REDIC1: variants seen among roughly 807,000 people sequenced by gnomAD.
REDIC1 encodes HEI10 Interacting Protein 1.
At chr12:39,717,938 A>C in the REDIC1 span, among the ~76,000 whole-genome samples, 1 of 149,906 alleles carries the variant, frequency 6.7e-6, no homozygotes. Context: ...TAATTTTTCT[A>C]ACCTCCATAT....
chr12:39,643,818 T>A, the REDIC1 span: 2 of 1,554,842 alleles, frequency 1.3e-6, no homozygotes, highest in Non-Finnish European at 1.8e-6. Context: ...AAAAATGAAA[T>A]CACTGGGAGT....
the REDIC1 span, among the ~76,000 whole-genome samples, chr12:39,881,735 A>G: frequency 6.6e-6 from 1 of 152,088 alleles, no homozygotes; most frequent in Non-Finnish European, 1.5e-5. Flanking sequence ...TTTCTCTCAT[A>G]TTTTAGATAC....
the REDIC1 span, among the ~76,000 whole-genome samples, chr12:39,664,794 T>C: frequency 4.6e-5 from 7 of 152,222 alleles, no homozygotes; most frequent in Admixed American, 4.6e-4. Context: ...GGTATCTCAT[T>C]GTGGTTTTGA....
At chr12:39,906,063 C>T in the REDIC1 span, among the ~76,000 whole-genome samples, 8 of 152,210 alleles carry the variant, frequency 5.3e-5, no homozygotes, top group South Asian at 6.2e-4. Flanking sequence ...AACTTTATCA[C>T]GATAGACAAA....
At chr12:39,707,749 T>A in the REDIC1 span, among the ~76,000 whole-genome samples, 607 of 152,054 alleles carry the variant, frequency 4.0e-3, 4 homozygotes, top group African/African-American at 0.014. Flanking sequence ...TTGCATTTTT[T>A]AAAAAGTTTT....
chr12:39,750,149 G>T, the REDIC1 span, among the ~76,000 whole-genome samples: 1 of 152,206 alleles, frequency 6.6e-6, no homozygotes, highest in Non-Finnish European at 1.5e-5. Flanking sequence ...CAGATGACAT[G>T]ATTGTGTATT....
the REDIC1 span, among the ~76,000 whole-genome samples, chr12:39,633,618 C>A: frequency 1.3e-5 from 2 of 151,892 alleles, no homozygotes; most frequent in Middle Eastern, 6.8e-3. Context: ...ACTTTTATAC[C>A]ACTTACAGTG....
At chr12:39,741,801 G>T in the REDIC1 span, among the ~76,000 whole-genome samples, 1 of 152,154 alleles carries the variant, frequency 6.6e-6, no homozygotes. Flanking sequence ...AAGGAGTAAG[G>T]CTCTGTCTAA....
At chr12:39,728,741 C>A in the REDIC1 span, among the ~76,000 whole-genome samples, 1 of 145,926 alleles carries the variant, frequency 6.9e-6, no homozygotes, top group Non-Finnish European at 1.5e-5. Context: ...CTCTGTGTAC[C>A]TCTGGTAGAA....
the REDIC1 span, among the ~76,000 whole-genome samples, chr12:39,794,527 C>G: frequency 1.3e-5 from 2 of 152,188 alleles, no homozygotes; most frequent in African/African-American, 4.8e-5. Context: ...AAGTCTCAGC[C>G]AATCGCAGTA....
the REDIC1 span, among the ~76,000 whole-genome samples, chr12:39,701,041 T>C: frequency 6.6e-6 from 1 of 151,318 alleles, no homozygotes; most frequent in African/African-American, 2.4e-5. Flanking sequence ...ACGAGCAAAA[T>C]CACCAGCTAA....
the REDIC1 span, among the ~76,000 whole-genome samples, chr12:39,713,257 C>A: frequency 2.1e-5 from 2 of 96,154 alleles, no homozygotes; most frequent in African/African-American, 3.9e-5. Context: ...CACACACATA[C>A]GTGTATATAT....
chr12:39,653,038 G>C, the REDIC1 span, among the ~76,000 whole-genome samples: 2 of 151,864 alleles, frequency 1.3e-5, no homozygotes, highest in African/African-American at 4.8e-5. Context: ...TTTAGGATCT[G>C]ATGGTCAGTT....
chr12:39,841,987 T>C, the REDIC1 span, among the ~76,000 whole-genome samples: 1 of 152,114 alleles, frequency 6.6e-6, no homozygotes, highest in Non-Finnish European at 1.5e-5. Context: ...CATGTTCTCA[T>C]TTAATTCTTA....
chr12:39,737,869 AT>A, the REDIC1 span, among the ~76,000 whole-genome samples: 1 of 152,164 alleles, frequency 6.6e-6, no homozygotes, highest in Non-Finnish European at 1.5e-5. Flanking sequence ...CTTGTCCCTG[AT>A]TTGTGTGTAG....
chr12:39,890,917 AT>A, the REDIC1 span, among the ~76,000 whole-genome samples: 3 of 152,144 alleles, frequency 2.0e-5, no homozygotes, highest in African/African-American at 4.8e-5. Flanking sequence ...ATATTACATA[AT>A]TTTAATTCTG....
At chr12:39,897,465 T>C in the REDIC1 span, among the ~76,000 whole-genome samples, 2 of 152,188 alleles carry the variant, frequency 1.3e-5, no homozygotes, top group African/African-American at 4.8e-5. Context: ...GATGTTTCAA[T>C]GTTTCTACAG....
At chr12:39,779,276 C>T in the REDIC1 span, among the ~76,000 whole-genome samples, 1 of 152,202 alleles carries the variant, frequency 6.6e-6, no homozygotes, top group African/African-American at 2.4e-5. Flanking sequence ...CTCAAATGTC[C>T]TTCTGAAACG....
At chr12:39,782,563 T>A in the REDIC1 span, among the ~76,000 whole-genome samples, 2 of 152,178 alleles carry the variant, frequency 1.3e-5, no homozygotes, top group African/African-American at 4.8e-5. Context: ...TGGGTATGTC[T>A]TTATCAGCAG....
Sources: gnomAD v4.1 joint callset for allele counts (sites outside exome capture counted in the v4.1 genomes callset) on GRCh38, gnomAD v4.1.1 for gene constraint, MANE v1.5 for transcripts, NCBI Gene and HGNC (gene_info 2026-07-23, HGNC 2026-07-21) for gene names.